Variants in MVD observed in about 807,000 individuals in gnomAD.
MVD encodes the protein mevalonate diphosphate decarboxylase, also known as diphosphomevalonate decarboxylase.
A neutral mutation model predicts 42.4 loss-of-function variants in MVD; 52 were observed. The ratio of observed to expected loss-of-function variants is 1.23; its 90% confidence interval spans 0.98 to 1.55. The LOEUF is 1.55. Ranked by LOEUF, MVD falls within the 40% of genes most tolerant of loss-of-function variation. The pLI is 0.00. For missense variants in MVD, 663 were observed against 572.1 expected (o/e 1.16, Z -1.62); for synonymous variants, 287 against 243.2 (o/e 1.18, Z -1.68).
Position 88,655,724 on chromosome 16 carries a change from C to A in MVD, c.610G>T (p.Ala204Ser). Residue 204 changes from alanine to serine, a missense_variant, in exon 6 of 10, where the codon GCT (alanine) becomes TCT (serine). Transcript: ENST00000301012. Reference protein sequence around the residue: ...ELRVLILVVSAEKKLTGSTVG... With the variant: ...ELRVLILVVSSEKKLTGSTVG... Reference sequence around the variant, plus strand: ...GTACTGCCTGTCAGCTTCTTCTCAGCGCTCACCTGCACGAGGGAGAGACAG... The same window carrying A: ...GTACTGCCTGTCAGCTTCTTCTCAGAGCTCACCTGCACGAGGGAGAGACAG... 1 of 1,556,798 alleles carries A rather than the reference C, an allele frequency of 6.4e-7. No homozygotes were observed. The highest frequency in any genetic ancestry group is 8.7e-7 in the Non-Finnish European group (1 of 1,150,450).
chr16:88,662,690 C>T (rs536944443), intron 1 of MVD: 6 of 1,352,766 alleles, frequency 4.4e-6, no homozygotes, highest in Middle Eastern at 1.9e-4. Context: ...CACAAACGCG[C>T]ACCACCACGG....
rs145850660 is a variant in MVD, at chr16:88,653,362, G to C, written c.1060C>G (p.Leu354Val). 4.9e-4 allele frequency: 778 copies of C among 1,599,396 alleles called. 1 individual carries two copies. Among genetic ancestry groups the C allele is most frequent in the Non-Finnish European group, 6.1e-4 (722 of 1,176,368 alleles). Residue 354 changes from leucine to valine, a missense_variant, in exon 9 of 10, where the codon CTT (leucine) becomes GTT (valine). Transcript: ENST00000301012. The stretch of plus-strand genomic sequence containing the variant: ...GGCTCCATGGCCAGCGCAGCCTGAA[G>C]CTCAGCTGAGAGAGGGGCCGGCCTC... ...QVRPAPLSAE[L>V]QAALAMEPTP...
chr16:88,655,109 A>C, intron 7 of MVD, 90 bp downstream of exon 7: 1 of 1,414,564 alleles, frequency 7.1e-7, no homozygotes, highest in Non-Finnish European at 9.7e-7. Flanking sequence ...ATTGCCCTGC[A>C]CGCGAGCCCC....
At position 88,653,216 on chromosome 16, in the gene MVD, T is replaced by A. The variant is rs1907689329; in HGVS notation, c.1122+84A>T. 4 of 1,091,514 alleles carry A rather than the reference T, an allele frequency of 3.7e-6. No homozygotes were observed. The South Asian group carries it at 4.3e-5, about 12-fold the overall frequency. The allele number at this position is 1,091,514 out of a possible 1,614,324, so 67.6% of individuals were successfully genotyped here. A position where few individuals can be genotyped will look rare whatever the true frequency, so the allele number is the denominator to read the frequency against. On this transcript the variant is annotated intron_variant, in intron 9 of 9. Coordinates refer to ENST00000301012, the MANE Select transcript of MVD (RefSeq NM_002461.3). ...CACGGTAGGGACAGGGAGCCGCGCT[T>A]AGCCTTTAAGGGCCCTGGGGGCTGG...
chr16:88,657,498 G>A lies in MVD; in HGVS notation c.341C>T (p.Ser114Leu), dbSNP rs372683488. The A allele has an allele frequency of 4.0e-5, 65 of 1,612,636 alleles. No homozygotes were observed. The highest frequency in any genetic ancestry group is 4.5e-5 in the Non-Finnish European group (53 of 1,179,914). ...SSLSCKVHVA[S>L]VNNFPTAAGL... ...CGCAGCCGTGGGGAAGTTGTTCACC[G>A]ATGCCACGTGCACCTTGCAGCTGAG... Residue 114 changes from serine to leucine, a missense_variant, in exon 4 of 10, where the codon TCG becomes TTG. By Grantham distance (145) the Ser-to-Leu change is moderately radical. Coordinates refer to ENST00000301012, the MANE Select transcript of MVD (RefSeq NM_002461.3).
At position 88,657,979 on chromosome 16, in the gene MVD, C is replaced by A. The variant is rs1908047607; in HGVS notation, c.192G>T (p.Arg64=). The A allele has an allele frequency of 1.9e-6, 3 of 1,614,026 alleles. No individual in the cohort carries two copies. Among genetic ancestry groups the A allele is most frequent in the Non-Finnish European group, 2.5e-6 (3 of 1,180,040 alleles). The change falls in exon 3 of 10, where the codon CGG becomes CGT. Residue 64 remains arginine, a synonymous_variant. Transcript: ENST00000301012. ...AVISKDFTED[R]IWLNGREEDV... ...CCTCCTCCCGGCCATTCAGCCAAAT[C>A]CGGTCCTCGGTGAAGTCCTTGCTGA...
intron 1 of MVD, chr16:88,659,008 T>G: frequency 2.4e-6 from 1 of 419,726 alleles, no homozygotes; most frequent in East Asian, 5.0e-5. Context: ...CAGGTGCGGA[T>G]CGCTCCCACC....
intron 7 of MVD, 192 bp downstream of exon 7, chr16:88,655,007 G>A (rs182396299): frequency 1.4e-5 from 12 of 883,840 alleles, no homozygotes; most frequent in Admixed American, 5.7e-5. Flanking sequence ...TGGTGGGGCC[G>A]TGACCCGGGC....
At chr16:88,658,856 CCCT>C (rs1371890125) in intron 1 of MVD, 136 bp from the exon 2 acceptor site, 5 of 702,432 alleles carry the variant, frequency 7.1e-6, no homozygotes, top group Non-Finnish European at 9.8e-6. Context: ...ACCTGTGTGC[CCCT>C]CCTCCTGCCA....
At chr16:88,654,653 C>A (rs1567613760) in intron 8 of MVD, 39 bp downstream of exon 8, 2 of 1,569,864 alleles carry the variant, frequency 1.3e-6, no homozygotes, top group Non-Finnish European at 8.6e-7. Flanking sequence ...TTCCTGGCAC[C>A]ATCTCCCAAA....
At chr16:88,653,499 G>A (rs1907712770) in intron 8 of MVD, 91 bp from the exon 9 acceptor site, 2 of 1,092,376 alleles carry the variant, frequency 1.8e-6, no homozygotes, top group Non-Finnish European at 2.6e-6. Context: ...GATGGGAAGT[G>A]CATTCCTGGC....
intron 8 of MVD, among the ~76,000 whole-genome samples, chr16:88,654,197 T>C (rs957797665): frequency 2.6e-5 from 4 of 151,866 alleles, no homozygotes; most frequent in Admixed American, 2.6e-4. Flanking sequence ...ATGGGGGCTC[T>C]GTGGCGCCAA....
At position 88,655,283 on chromosome 16, in the gene MVD, G is replaced by C. The variant is rs774423739; in HGVS notation, c.813C>G (p.Phe271Leu). The C allele has an allele frequency of 1.9e-6, 3 of 1,592,888 alleles. No individual in the cohort carries two copies. The highest frequency in any genetic ancestry group is 2.6e-6 in the Non-Finnish European group (3 of 1,169,968). ...TGGCATTGAGGTAAGAGATGGGCGG[G>C]AAGGTGTCGAGGCAGGTGGCGTGGA... is the stretch of plus-strand genomic sequence containing the variant. ...NQFHATCLDT[F>L]PPISYLNAIS... is the part of the protein sequence containing the mutation. Residue 271 changes from phenylalanine to leucine, a missense_variant, in exon 7 of 10, where the codon TTC becomes TTG. By Grantham distance (22) the Phe-to-Leu change is conservative. Coordinates refer to ENST00000301012, the MANE Select transcript of MVD (RefSeq NM_002461.3).
In MVD at chr16:88,657,980, C is replaced by A. The variant is rs746569295; in HGVS notation, c.191G>T (p.Arg64Leu). ...CTCCTCCCGGCCATTCAGCCAAATC[C>A]GGTCCTCGGTGAAGTCCTTGCTGAT... ...AVISKDFTED[R>L]IWLNGREEDV... Residue 64 changes from arginine to leucine, a missense_variant, in exon 3 of 10, where the codon CGG becomes CTG. Physicochemically the swap from Arg to Leu is moderately radical, Grantham distance 102. Coordinates refer to ENST00000301012, the MANE Select transcript of MVD (RefSeq NM_002461.3). The A allele has an allele frequency of 6.2e-7, 1 of 1,613,924 alleles. No individual in the cohort carries two copies. Among genetic ancestry groups the A allele is most frequent in the African/African-American group, 1.3e-5 (1 of 74,950 alleles).
At chr16:88,654,484 G>A (rs534940418) in intron 8 of MVD, among the ~76,000 whole-genome samples, 1 of 152,216 alleles carries the variant, frequency 6.6e-6, no homozygotes, top group Non-Finnish European at 1.5e-5. Flanking sequence ...TCACACACGC[G>A]TGAGCGGCCT....
chr16:88,657,516 C>T lies in MVD; in HGVS notation c.323G>A (p.Cys108Tyr), dbSNP rs1210666990. ...DGDPLPSSLS[C>Y]KVHVASVNNF... The stretch of plus-strand genomic sequence containing the variant: ...GTTCACCGATGCCACGTGCACCTTG[C>T]AGCTGAGGCTGGAGGGCAGCGGGTC... The change falls in exon 4 of 10, where the codon TGC becomes TAC. Residue 108 changes from cysteine to tyrosine, a missense_variant. Coordinates refer to ENST00000301012, the MANE Select transcript of MVD (RefSeq NM_002461.3). 8 of 1,612,720 alleles carry T rather than the reference C, an allele frequency of 5.0e-6. No homozygotes were observed. In the African/African-American group the frequency reaches 8.0e-5, roughly 16 times the overall value.
At chr16:88,655,068 G>A (rs535706573) in intron 7 of MVD, 131 bp downstream of exon 7, 8 of 1,156,234 alleles carry the variant, frequency 6.9e-6, no homozygotes, top group East Asian at 5.2e-5. Flanking sequence ...AGTGAGCTTC[G>A]CACACAGCAG....
chr16:88,657,480 G>T lies in MVD; in HGVS notation c.359C>A (p.Thr120Lys). Residue 120 changes from threonine (T) to lysine (K), a missense_variant, in exon 4 of 10, where the codon ACG (threonine) becomes AAG (lysine). Coordinates refer to ENST00000301012, the MANE Select transcript of MVD (RefSeq NM_002461.3). Reference protein sequence around the residue: ...VHVASVNNFPTAAGLASSAAG... With the variant: ...VHVASVNNFPKAAGLASSAAG... ...CGCTGAGGAGGCCAGGCCCGCAGCC[G>T]TGGGGAAGTTGTTCACCGATGCCAC... is the stretch of plus-strand genomic sequence containing the variant. 2.5e-6 allele frequency: 4 copies of T among 1,612,622 alleles called. No individual in the cohort carries two copies. Among genetic ancestry groups the T allele is most frequent in the Non-Finnish European group, 2.5e-6 (3 of 1,179,874 alleles).
At position 88,655,739 on chromosome 16, in the gene MVD, G is replaced by A. The variant is rs201322709; in HGVS notation, c.604-9C>T. 150 of 1,553,442 alleles carry A rather than the reference G, an allele frequency of 9.7e-5. No homozygotes were observed. The highest frequency in any genetic ancestry group is 1.2e-4 in the Non-Finnish European group (139 of 1,148,964). ...TTCTTCTCAGCGCTCACCTGCACGA[G>A]GGAGAGACAGCCTGGGCCACACCCT... is the stretch of plus-strand genomic sequence containing the variant. On this transcript the variant is annotated splice_polypyrimidine_tract_variant and intron_variant, in intron 5 of 9. Transcript: ENST00000301012.
Sources: gnomAD v4.1 joint callset for allele counts (sites outside exome capture counted in the v4.1 genomes callset) on GRCh38, gnomAD v4.1.1 for gene constraint, MANE v1.5 for transcripts, NCBI Gene and HGNC (gene_info 2026-07-23, HGNC 2026-07-21) for gene names.